Variants in IL12RB2 observed in about 807,000 individuals in gnomAD.
IL12RB2 encodes the protein interleukin 12 receptor subunit beta 2.
IL12RB2 carries 82 observed loss-of-function variants against 89.4 expected under a neutral mutation model. The ratio of observed to expected loss-of-function variants is 0.92; its 90% confidence interval spans 0.77 to 1.10. The LOEUF (loss-of-function observed/expected upper bound fraction) is 1.10, where lower values mean the gene tolerates loss of function less well. Ranked by LOEUF, IL12RB2 falls within the 50% of genes least tolerant of loss-of-function variation. IL12RB2 has a pLI of 0.00. For synonymous variants in IL12RB2, 368 were observed against 370.1 expected (o/e 0.99, Z 0.07); for missense variants, 963 against 1,031.9 (o/e 0.93, Z 0.92).
chr1:67,343,518 C>G (rs1433699203), intron 9 of IL12RB2, among the ~76,000 whole-genome samples: 1 of 152,104 alleles, frequency 6.6e-6, no homozygotes, highest in Non-Finnish European at 1.5e-5. Context: ...TGCTTGATTA[C>G]GAATAGCCCC....
chr1:67,374,031 G>C (rs1224096205), intron 13 of IL12RB2, among the ~76,000 whole-genome samples: 10 of 152,074 alleles, frequency 6.6e-5, no homozygotes, highest in Non-Finnish European at 1.3e-4. Flanking sequence ...TTCACACTTA[G>C]GCTGTTAACA....
At chr1:67,339,064 T>A (rs1028662239) in intron 9 of IL12RB2, among the ~76,000 whole-genome samples, 3 of 152,048 alleles carry the variant, frequency 2.0e-5, no homozygotes, top group Non-Finnish European at 4.4e-5. Context: ...CTTCACTTAT[T>A]CACTCTTTGG....
intron 15 of IL12RB2, among the ~76,000 whole-genome samples, chr1:67,386,872 T>TTATATATATATATATATA (rs1179774666): frequency 2.1e-5 from 1 of 48,460 alleles, no homozygotes; most frequent in African/African-American, 6.4e-5. Context: ...GAAATGTATT[T>TTATATATATATATATATA]TATATATATA....
chr1:67,381,397 G>T (rs535566638), intron 14 of IL12RB2, among the ~76,000 whole-genome samples: 1 of 152,274 alleles, frequency 6.6e-6, no homozygotes, highest in African/African-American at 2.4e-5. Context: ...AAGAGACTTT[G>T]TTGTTCTATG....
chr1:67,331,722 C>G (rs1006300182), intron 8 of IL12RB2, among the ~76,000 whole-genome samples: 1 of 152,062 alleles, frequency 6.6e-6, no homozygotes, highest in Admixed American at 6.6e-5. Context: ...GCCTGTAATC[C>G]CAGCCATTCG....
intron 8 of IL12RB2, among the ~76,000 whole-genome samples, chr1:67,331,596 T>C (rs1419493934): frequency 6.6e-6 from 1 of 152,094 alleles, no homozygotes; most frequent in African/African-American, 2.4e-5. Context: ...TCCCAGCACA[T>C]TGGGAGGCTG....
intron 13 of IL12RB2, among the ~76,000 whole-genome samples, chr1:67,373,758 T>A (rs993344374): frequency 6.6e-6 from 1 of 152,168 alleles, no homozygotes; most frequent in Non-Finnish European, 1.5e-5. Flanking sequence ...TTCAGGAACA[T>A]TTGTCATAAA....
chr1:67,385,608 C>G (rs981734152), intron 14 of IL12RB2, among the ~76,000 whole-genome samples: 5 of 152,216 alleles, frequency 3.3e-5, no homozygotes, highest in African/African-American at 1.2e-4. Context: ...TATCCCAGCA[C>G]CTAACAGAGC....
rs1000344305 is a variant in IL12RB2 at position 67,396,014 on chromosome 1, C to T, written c.2514C>T (p.His838=). 7 of 1,604,066 alleles carry T rather than the reference C, an allele frequency of 4.4e-6. No individual in the cohort carries two copies. The Admixed American group carries it at 8.3e-5, about 19-fold the overall frequency. ...CTGTTTTCCCCTCAAGTTCTCTTCA[C>T]CCACTCACCTTCTCCTGTGGTGATA... ...SLSVFPSSSL[H]PLTFSCGDKL... is the part of the protein sequence containing the mutation. The change falls in exon 17 of 17, where the codon CAC becomes CAT. Residue 838 remains histidine, a synonymous_variant. Coordinates refer to ENST00000674203, the MANE Select transcript of IL12RB2 (RefSeq NM_001374259.2).
chr1:67,343,764 C>T (rs973957166), intron 9 of IL12RB2, among the ~76,000 whole-genome samples: 5 of 152,266 alleles, frequency 3.3e-5, no homozygotes, highest in East Asian at 3.9e-4. Context: ...CCACATCAAC[C>T]GTTCTAGTTT....
At chr1:67,364,356 A>C (rs1452877558) in intron 10 of IL12RB2, among the ~76,000 whole-genome samples, 1 of 152,208 alleles carries the variant, frequency 6.6e-6, no homozygotes, top group African/African-American at 2.4e-5. Flanking sequence ...GCACCACTGC[A>C]CTCCAGCCTG....
intron 16 of IL12RB2, among the ~76,000 whole-genome samples, chr1:67,394,445 G>C (rs1666152856): frequency 6.6e-6 from 1 of 152,068 alleles, no homozygotes; most frequent in Non-Finnish European, 1.5e-5. Context: ...TTGAAGAGCT[G>C]GTCACCGGCA....
intron 4 of IL12RB2, among the ~76,000 whole-genome samples, chr1:67,323,645 C>T (rs991530516): frequency 6.6e-6 from 1 of 152,152 alleles, no homozygotes; most frequent in African/African-American, 2.4e-5. Context: ...ATCAGTCAAA[C>T]GTGAGGGTAG....
Position 67,337,901 on chromosome 1 carries a change from TAA to T in IL12RB2, c.959-708_959-707del, listed in dbSNP as rs11449571. Among the ~76,000 whole-genome samples, 64 of 132,282 alleles carry T rather than the reference TAA, an allele frequency of 4.8e-4. 1 individual carries two copies. In the East Asian group the frequency reaches 0.01, roughly 21 times the overall value. 86.8% of individuals were successfully genotyped at this position (132,282 alleles called of 152,430 possible). A position where few individuals can be genotyped will look rare whatever the true frequency, so the allele number is the denominator to read the frequency against. On this transcript the variant is annotated intron_variant, in intron 8 of 16. Transcript: ENST00000674203. Reference sequence around the variant, plus strand: ...GTTGAGAATTCTTTCTGCATTCTAGTAAAAAAAAAAAAAAAAGAAAAGAAAAG... The same window carrying T: ...GTTGAGAATTCTTTCTGCATTCTAGTAAAAAAAAAAAAAAGAAAAGAAAAG...
At chr1:67,319,323 T>A (rs981281073) in intron 2 of IL12RB2, among the ~76,000 whole-genome samples, 4 of 152,340 alleles carry the variant, frequency 2.6e-5, no homozygotes, top group Middle Eastern at 3.4e-3. Context: ...AGCCATTCCT[T>A]GGGTTTGAAT....
intron 1 of IL12RB2, among the ~76,000 whole-genome samples, chr1:67,312,052 G>A (rs1470710134): frequency 6.6e-6 from 1 of 152,152 alleles, no homozygotes; most frequent in African/African-American, 2.4e-5. Flanking sequence ...CACTAAGGAA[G>A]AAAAGTTAGT....
rs2270614 is a variant in IL12RB2, at chr1:67,390,338, A to G, written c.2046+210A>G. 0.47 allele frequency among the ~76,000 whole-genome samples: 71,034 copies of G among 151,966 alleles called. 18,777 individuals carry two copies. Among genetic ancestry groups the G allele is most frequent in the Non-Finnish European group, 0.58 (39,535 of 67,938 alleles). On this transcript the variant is annotated intron_variant, in intron 16 of 16. Transcript: ENST00000674203. ...CAGGAATCTTCTGAAGTTTATGATC[A>G]TAAGACTAAAACCCCCTAGCTTTTT...
intron 8 of IL12RB2, among the ~76,000 whole-genome samples, chr1:67,335,295 G>A (rs145039371): frequency 9.9e-5 from 15 of 152,250 alleles, no homozygotes; most frequent in East Asian, 3.9e-4. Flanking sequence ...AAGAGGGAGC[G>A]GGGTCCAGAA....
At chr1:67,324,245 T>C (rs1414919058) in intron 4 of IL12RB2, among the ~76,000 whole-genome samples, 1 of 152,204 alleles carries the variant, frequency 6.6e-6, no homozygotes, top group African/African-American at 2.4e-5. Flanking sequence ...TGTTTTGAGA[T>C]GGAATCTCAG....
Sources: gnomAD v4.1 joint callset for allele counts (sites outside exome capture counted in the v4.1 genomes callset) on GRCh38, gnomAD v4.1.1 for gene constraint, MANE v1.5 for transcripts, NCBI Gene and HGNC (gene_info 2026-07-23, HGNC 2026-07-21) for gene names.